Variants in DIXDC1 observed in about 807,000 individuals in gnomAD.
DIXDC1 encodes dixin.
DIXDC1 carries 64 observed loss-of-function variants against 103.1 expected under a neutral mutation model. The observed-to-expected ratio is 0.62, with a 90% confidence interval of 0.51 to 0.76. The LOEUF (loss-of-function observed/expected upper bound fraction) is 0.76. Among genes scored for constraint, DIXDC1 ranks in the 30% least tolerant of loss-of-function variants. The probability of loss-of-function intolerance (pLI) is 0.00; values close to 1 mark genes in which losing one functional copy is unlikely to be tolerated. For missense variants in DIXDC1, 759 were observed against 834.2 expected (o/e 0.91, Z 1.11); for synonymous variants, 266 against 298.5 (o/e 0.89, Z 1.12).
Position 111,974,089 on chromosome 11 carries a change from C to G in DIXDC1, c.383C>G (p.Pro128Arg). The G allele has an allele frequency of 6.2e-7, 1 of 1,614,028 alleles. No homozygotes were observed. The highest frequency in any genetic ancestry group is 8.5e-7 in the Non-Finnish European group (1 of 1,179,902). The change falls in exon 4 of 20, where the codon CCT becomes CGT. Residue 128 changes from proline to arginine, a missense_variant. Pro to Arg is a moderately radical substitution (Grantham distance 103). Around this residue, in one of 3 missense-constraint regions of DIXDC1, gnomAD observed 657 missense variants for 727.5 expected, o/e 0.90. Coordinates refer to ENST00000440460, the MANE Select transcript of DIXDC1 (RefSeq NM_001037954.4). ...CTTGCCTTGGCAGCTCATTTCAAAC[C>G]TGGCTCCAGCAGGACGGTGAACCAA... Reference protein sequence around the residue: ...LVLALAAHFKPGSSRTVNQGR... With the variant: ...LVLALAAHFKRGSSRTVNQGR...
At chr11:111,937,127 C>CGGGGGGTGGG (rs200146124), upstream of DIXDC1, 1 of 502,566 alleles carries the variant, frequency 2.0e-6, no homozygotes, top group African/African-American at 7.8e-5. Flanking sequence ...TGCTGCGGCC[C>CGGGGGGTGGG]GGGCGGGGGG....
At chr11:111,940,863 ATTACTGTGT>A (rs1346514163) in intron 1 of DIXDC1, among the ~76,000 whole-genome samples, 1 of 152,160 alleles carries the variant, frequency 6.6e-6, no homozygotes, top group Non-Finnish European at 1.5e-5. Context: ...CATTCTCTGA[ATTACTGTGT>A]TTGCCAGTCA....
chr11:111,990,413 A>T (rs1441591654), intron 10 of DIXDC1, among the ~76,000 whole-genome samples: 9 of 152,032 alleles, frequency 5.9e-5, no homozygotes, highest in African/African-American at 2.2e-4. Flanking sequence ...CTTAACAGTT[A>T]TCAGCACATT....
At chr11:111,999,095 C>T (rs191107848) in intron 17 of DIXDC1, among the ~76,000 whole-genome samples, 1 of 152,250 alleles carries the variant, frequency 6.6e-6, no homozygotes, top group East Asian at 1.9e-4. Flanking sequence ...AAATGAAATA[C>T]ATAGAAATCA....
At chr11:112,003,713 G>T (rs934865128) in intron 17 of DIXDC1, among the ~76,000 whole-genome samples, 1 of 151,644 alleles carries the variant, frequency 6.6e-6, no homozygotes, top group East Asian at 1.9e-4. Flanking sequence ...CAGGAGAATC[G>T]CTTGAACCCG....
intron 17 of DIXDC1, among the ~76,000 whole-genome samples, chr11:112,014,150 G>A (rs1592634533): frequency 6.6e-6 from 1 of 152,266 alleles, no homozygotes; most frequent in South Asian, 2.1e-4. Flanking sequence ...ATGAGGTGTT[G>A]GGGGACAAAC....
Position 111,976,866 on chromosome 11 carries a change from GA to G in DIXDC1, c.656+1885del. The G allele has an allele frequency of 6.5e-6, 1 of 152,792 alleles. No individual in the cohort carries two copies. The highest frequency in any genetic ancestry group is 1.5e-5 in the Non-Finnish European group (1 of 68,168). 9.5% of individuals were successfully genotyped at this position (152,792 alleles called of 1,614,324 possible). A position where few individuals can be genotyped will look rare whatever the true frequency, so the allele number is the denominator to read the frequency against. ...AAAGAACACACGAAACGCCAGAGGGGAAGGTGGGAGGGGATAGGTGCTCGGC... is the reference window on the plus strand; with the variant it reads ...AAAGAACACACGAAACGCCAGAGGGGAGGTGGGAGGGGATAGGTGCTCGGC... On this transcript the variant is annotated intron_variant, in intron 5 of 19. Transcript: ENST00000440460. The surrounding 1 kb of genome is among the most constrained non-coding windows in gnomAD (Gnocchi z 4.3).
intron 1 of DIXDC1, among the ~76,000 whole-genome samples, chr11:111,962,943 G>A (rs1219468629): frequency 6.6e-6 from 1 of 152,210 alleles, no homozygotes; most frequent in Non-Finnish European, 1.5e-5. Flanking sequence ...GGTGATGGGT[G>A]TCTGGCCCAC....
chr11:111,996,599 C>T (rs1555175429), intron 17 of DIXDC1, among the ~76,000 whole-genome samples: 1 of 152,074 alleles, frequency 6.6e-6, no homozygotes, highest in Non-Finnish European at 1.5e-5. Context: ...GCCTGTAATC[C>T]CAGCACTTTG....
In DIXDC1 at chr11:111,973,698, G is replaced by A. The variant is rs1019514139; in HGVS notation, c.317-325G>A. On this transcript the variant is annotated intron_variant, in intron 3 of 19. Coordinates refer to ENST00000440460, the MANE Select transcript of DIXDC1 (RefSeq NM_001037954.4). Reference sequence around the variant, plus strand: ...TTTGTCTTTCTCTTGTCTAACTAATGTGCTACTCTTTTGTCAATCAAGTCT... The same window carrying A: ...TTTGTCTTTCTCTTGTCTAACTAATATGCTACTCTTTTGTCAATCAAGTCT... 3.3e-5 allele frequency among the ~76,000 whole-genome samples: 5 copies of A among 152,194 alleles called. No individual in the cohort carries two copies. The East Asian group carries it at 5.8e-4, about 18-fold the overall frequency.
intron 2 of DIXDC1, among the ~76,000 whole-genome samples, chr11:111,965,870 A>G (rs587607507): frequency 5.9e-5 from 9 of 152,318 alleles, no homozygotes; most frequent in African/African-American, 1.9e-4. Context: ...AAGTCACATA[A>G]CTATAAGTGC....
intron 17 of DIXDC1, among the ~76,000 whole-genome samples, chr11:112,006,148 C>G (rs960753426): frequency 6.6e-6 from 1 of 152,070 alleles, no homozygotes; most frequent in Non-Finnish European, 1.5e-5. Flanking sequence ...GTGCCTGGCT[C>G]GGTGGTTCCC....
chr11:111,979,883 G>A (rs782589149), intron 5 of DIXDC1, among the ~76,000 whole-genome samples: 27 of 152,148 alleles, frequency 1.8e-4, no homozygotes, highest in Non-Finnish European at 3.4e-4. Flanking sequence ...AAGCCCATGA[G>A]CTTGAGGCTG....
rs926134104 is a variant in DIXDC1, at chr11:111,974,381, G to C, written c.548+127G>C. The C allele has an allele frequency of 2.1e-5, 17 of 825,502 alleles. No homozygotes were observed. In the African/African-American group the frequency reaches 2.9e-4, roughly 14 times the overall value. The allele number at this position is 825,502 out of a possible 1,614,324, so 51.1% of individuals were successfully genotyped here. On this transcript the variant is annotated intron_variant, in intron 4 of 19. Coordinates refer to ENST00000440460, the MANE Select transcript of DIXDC1 (RefSeq NM_001037954.4). ...AGATTGCAGAAAAGAACATGGAGTG[G>C]GGAGGTAGGGGAGGGCACTCTCAAA...
intron 1 of DIXDC1, 106 bp from the exon 2 acceptor site, chr11:111,964,443 T>C: frequency 7.6e-7 from 1 of 1,314,928 alleles, no homozygotes; most frequent in South Asian, 1.4e-5. Context: ...CTTCTGGATA[T>C]GGGTTGTTTA....
At position 111,992,363 on chromosome 11, in the gene DIXDC1, C is replaced by T; in HGVS notation, c.1114-52C>T. On this transcript the variant is annotated intron_variant, in intron 10 of 19. Transcript: ENST00000440460. ...AGGCTTTAGTAATTTGTAATAATAA[C>T]TGGCTGATTGATGAACTGAGACAAC... 3 of 1,448,414 alleles carry T rather than the reference C, an allele frequency of 2.1e-6. No individual in the cohort carries two copies. In the South Asian group the frequency reaches 3.7e-5, roughly 18 times the overall value. The allele number at this position is 1,448,414 out of a possible 1,614,324, so 89.7% of individuals were successfully genotyped here.
intron 17 of DIXDC1, among the ~76,000 whole-genome samples, chr11:112,002,928 C>T (rs868992150): frequency 2.0e-5 from 3 of 152,170 alleles, no homozygotes; most frequent in African/African-American, 7.2e-5. Flanking sequence ...AAAATCCTTT[C>T]TTTTGCAGCA....
Position 112,001,086 on chromosome 11 carries a change from T to G in DIXDC1, c.1756+4940T>G, listed in dbSNP as rs1861051532. On this transcript the variant is annotated intron_variant, in intron 17 of 19. Coordinates refer to ENST00000440460, the MANE Select transcript of DIXDC1 (RefSeq NM_001037954.4). ...ATGAATGGATAGACAAATTCTGGTA[T>G]ATGCATACAGTGGAATATTATTCAC... Among the ~76,000 whole-genome samples, 4 of 152,212 alleles carry G rather than the reference T, an allele frequency of 2.6e-5. No homozygotes were observed. The South Asian group carries it at 8.3e-4, about 32-fold the overall frequency.
At chr11:111,955,987 TACACACACACACACAC>T (rs71461600) in intron 1 of DIXDC1, among the ~76,000 whole-genome samples, 10 of 142,534 alleles carry the variant, frequency 7.0e-5, no homozygotes, top group Admixed American at 5.7e-4. Context: ...TATATATGTG[TACACACACACACACAC>T]ACACACACAC....
Sources: allele counts gnomAD v4.1 joint callset (sites outside exome capture counted in the v4.1 genomes callset), GRCh38; gene constraint gnomAD v4.1.1; regional missense constraint gnomAD v4.1.1; non-coding constraint Gnocchi (gnomAD v3.1); transcripts MANE v1.5; gene names NCBI Gene and HGNC (gene_info 2026-07-23, HGNC 2026-07-21).